The following NPY1R variants were observed in gnomAD, a reference collection of about 807,000 sequenced individuals.
NPY1R encodes neuropeptide Y receptor Y1, also known as neuropeptide Y receptor type 1.
Under a neutral mutation model 24.1 loss-of-function variants are expected in NPY1R, and 10 were observed. The observed-to-expected ratio is 0.42, with a 90% CI of 0.26 to 0.71. NPY1R has a LOEUF of 0.71. Ranked by LOEUF, NPY1R falls within the 30% of genes least tolerant of loss-of-function variation. The pLI, the probability that NPY1R is intolerant of heterozygous loss-of-function variation, is 0.28. For missense variants in NPY1R, 350 were observed against 458.0 expected (o/e 0.76, Z 2.15); for synonymous variants, 168 against 165.9 (o/e 1.01, Z -0.10).
chr4:163,332,291 C>T (rs1247295075), intron 1 of NPY1R, among the ~76,000 whole-genome samples, 191 bp downstream of exon 1: 1 of 152,144 alleles, frequency 6.6e-6, no homozygotes, highest in African/African-American at 2.4e-5. Flanking sequence ...CGTCCCCATA[C>T]CCTTCGGCAG....
At chr4:163,338,717 T>A (rs1734906026) in intron 1 of NPY1R, among the ~76,000 whole-genome samples, 1 of 152,220 alleles carries the variant, frequency 6.6e-6, no homozygotes. Context: ...TTTTTCATTC[T>A]TAACACACAA....
intron 1 of NPY1R, among the ~76,000 whole-genome samples, chr4:163,338,562 C>A (rs1734900470): frequency 6.6e-6 from 1 of 152,124 alleles, no homozygotes; most frequent in Non-Finnish European, 1.5e-5. Flanking sequence ...TCTAGAAGTT[C>A]TCTTGCTAGG....
intron 1 of NPY1R, chr4:163,330,962 A>C (rs1369909707): frequency 1.3e-5 from 2 of 152,284 alleles, no homozygotes; most frequent in Admixed American, 6.5e-5. Flanking sequence ...TAAATGAATT[A>C]CATAATTCTC....
At chr4:163,329,031 C>T (rs1271365271) in intron 1 of NPY1R, among the ~76,000 whole-genome samples, 1 of 152,158 alleles carries the variant, frequency 6.6e-6, no homozygotes, top group Non-Finnish European at 1.5e-5. Context: ...AGTCCTTGAA[C>T]AGGCAAAATG....
Position 163,325,752 on chromosome 4 carries a change from T to A in NPY1R, c.706A>T (p.Ile236Leu). Residue 236 changes from isoleucine (I) to leucine (L), a missense_variant, in exon 3 of 3, where the codon ATA becomes TTA. Coordinates refer to ENST00000296533, the MANE Select transcript of NPY1R (RefSeq NM_000909.6). The part of the protein sequence containing the change: ...FIFICYFKIY[I>L]RLKRRNNMMD... ...ATGTTGTTTCTCCTTTTTAGGCGTA[T>A]ATATATCTATGGAAGAAAAAAGTTT... The A allele has an allele frequency of 1.3e-6, 2 of 1,586,394 alleles. No individual in the cohort carries two copies. The highest frequency in any genetic ancestry group is 1.7e-6 in the Non-Finnish European group (2 of 1,165,876).
Position 163,331,388 on chromosome 4 carries a change from T to C in NPY1R, c.-152+1094A>G, listed in dbSNP as rs372876874. Among the ~76,000 whole-genome samples, 4 of 152,114 alleles carry C rather than the reference T, an allele frequency of 2.6e-5. No individual in the cohort carries two copies. In the East Asian group the frequency reaches 7.7e-4, roughly 29 times the overall value. On this transcript the variant is annotated intron_variant, in intron 1 of 2. Coordinates refer to ENST00000296533, the MANE Select transcript of NPY1R (RefSeq NM_000909.6). ...AAACAACGAAATGGGAAATGGGACA[T>C]GTTCAGTCAAAATTCCTGTTGGCAC...
At chr4:163,341,384 A>G (rs1228315066) in intron 1 of NPY1R, among the ~76,000 whole-genome samples, 1 of 152,172 alleles carries the variant, frequency 6.6e-6, no homozygotes, top group Non-Finnish European at 1.5e-5. Flanking sequence ...ATTTACCTCT[A>G]CTTGTTCTAT....
rs183627072 is a variant in NPY1R, at chr4:163,339,499, T to G, written c.-152+4806A>C. On this transcript the variant is annotated intron_variant, in intron 1 of 1. Coordinates refer to the NPY1R transcript ENST00000511901. ...TCTGATTTCTTACTGACAGTGACTGTTTTTTTTTCATCTCTTAAACTTAGG... is the reference window on the plus strand; with the variant it reads ...TCTGATTTCTTACTGACAGTGACTGGTTTTTTTTCATCTCTTAAACTTAGG... Among the ~76,000 whole-genome samples, 40 of 105,246 alleles carry G rather than the reference T, an allele frequency of 3.8e-4. 1 individual carries two copies. Among genetic ancestry groups the G allele is most frequent in the South Asian group, 3.2e-3 (9 of 2,808 alleles). 69.0% of individuals were successfully genotyped at this position (105,246 alleles called of 152,430 possible).
At chr4:163,331,930 G>A (rs1438078739) in intron 1 of NPY1R, among the ~76,000 whole-genome samples, 1 of 152,176 alleles carries the variant, frequency 6.6e-6, no homozygotes, top group East Asian at 1.9e-4. Flanking sequence ...CTTGCGCGCT[G>A]GGGTCCGCGC....
intron 1 of NPY1R, among the ~76,000 whole-genome samples, chr4:163,328,903 G>A (rs1734667305): frequency 1.3e-5 from 2 of 152,114 alleles, no homozygotes; most frequent in Non-Finnish European, 2.9e-5. Context: ...ATACTTCATA[G>A]TACCTTGCAA....
At chr4:163,336,469 A>G (rs767616215), upstream of NPY1R, among the ~76,000 whole-genome samples, 1 of 152,174 alleles carries the variant, frequency 6.6e-6, no homozygotes, top group African/African-American at 2.4e-5. Flanking sequence ...GGCAAAAAGA[A>G]TAAGTATGAA....
upstream of NPY1R, among the ~76,000 whole-genome samples, chr4:163,333,769 T>A (rs183006267): frequency 2.2e-3 from 330 of 152,344 alleles, no homozygotes; most frequent in African/African-American, 7.5e-3. Context: ...CTCATTTATA[T>A]AGATAGTGAT....
chr4:163,331,730 A>G (rs1371916418), intron 1 of NPY1R, among the ~76,000 whole-genome samples: 2 of 152,118 alleles, frequency 1.3e-5, no homozygotes, highest in East Asian at 1.9e-4. Flanking sequence ...TCCATTCCCA[A>G]TCTCCTAACC....
At chr4:163,341,658 G>A (rs1734983649) in intron 1 of NPY1R, among the ~76,000 whole-genome samples, 1 of 152,120 alleles carries the variant, frequency 6.6e-6, no homozygotes, top group Non-Finnish European at 1.5e-5. Flanking sequence ...TGTAATAACA[G>A]GGCAATAGCC....
intron 1 of NPY1R, among the ~76,000 whole-genome samples, chr4:163,343,712 G>C (rs1452344319): frequency 6.6e-6 from 1 of 152,146 alleles, no homozygotes; most frequent in East Asian, 1.9e-4. Flanking sequence ...GACATCCCGG[G>C]GCCCTGTGGC....
chr4:163,341,755 A>G (rs942493712), intron 1 of NPY1R, among the ~76,000 whole-genome samples: 14 of 152,214 alleles, frequency 9.2e-5, no homozygotes, highest in Non-Finnish European at 1.9e-4. Flanking sequence ...TACATAAAAC[A>G]GAGGTGGACA....
chr4:163,325,273 G>A lies in NPY1R; in HGVS notation c.*30C>T, dbSNP rs756169549. On this transcript the variant is annotated 3_prime_UTR_variant, in exon 3 of 3. Coordinates refer to ENST00000296533, the MANE Select transcript of NPY1R (RefSeq NM_000909.6). ...AGGTTGTGCTTGTTTTTAAACAGAT[G>A]TCATCCGGGACCATAGGCTATAAGT... 8.1e-6 allele frequency: 12 copies of A among 1,489,838 alleles called. No individual in the cohort carries two copies. Among genetic ancestry groups the A allele is most frequent in the Non-Finnish European group, 1.1e-5 (12 of 1,088,890 alleles). The allele number at this position is 1,489,838 out of a possible 1,614,324, so 92.3% of individuals were successfully genotyped here.
chr4:163,341,002 G>C (rs1425901728), intron 1 of NPY1R, among the ~76,000 whole-genome samples: 1 of 151,894 alleles, frequency 6.6e-6, no homozygotes, highest in Non-Finnish European at 1.5e-5. Context: ...TGCCCCCGTA[G>C]GACCTCACAA....
Position 163,325,249 on chromosome 4 carries a change from G to A in NPY1R, c.*54C>T, listed in dbSNP as rs771411508. 6.2e-5 allele frequency: 77 copies of A among 1,246,198 alleles called. No homozygotes were observed. The highest frequency in any genetic ancestry group is 8.5e-5 in the Non-Finnish European group (75 of 878,298). The allele number at this position is 1,246,198 out of a possible 1,614,324, so 77.2% of individuals were successfully genotyped here. A position where few individuals can be genotyped will look rare whatever the true frequency, so the allele number is the denominator to read the frequency against. The stretch of plus-strand genomic sequence containing the variant: ...GAACAGGTAATCAAAGTATGTTGCA[G>A]GTTGTGCTTGTTTTTAAACAGATGT... On this transcript the variant is annotated 3_prime_UTR_variant, in exon 3 of 3. Transcript: ENST00000296533.
Sources: gnomAD v4.1 joint callset for allele counts (sites outside exome capture counted in the v4.1 genomes callset) on GRCh38, gnomAD v4.1.1 for gene constraint, MANE v1.5 for transcripts, NCBI Gene and HGNC (gene_info 2026-07-23, HGNC 2026-07-21) for gene names.